ROBO2: variants seen among roughly 807,000 people sequenced by gnomAD.
ROBO2 encodes the protein roundabout guidance receptor 2.
In ROBO2, 53 loss-of-function variants were observed where a neutral mutation model predicts 160.8. That is an observed-to-expected ratio of 0.33 (90% confidence interval 0.26 to 0.41). ROBO2 has a LOEUF of 0.41. ROBO2 is among the 10% of genes least tolerant of loss of function. ROBO2 has a pLI of 1.00. For synonymous variants in ROBO2, 664 were observed against 611.7 expected, an observed-to-expected ratio of 1.09 and a Z score of -1.26; for missense variants, 1,577 against 1,722.4, an observed-to-expected ratio of 0.92 and a Z score of 1.49.
At chr3:77,459,878 T>C (rs1294940570) in intron 2 of ROBO2, among the ~76,000 whole-genome samples, 1 of 148,424 alleles carries the variant, frequency 6.7e-6, no homozygotes, top group Admixed American at 6.7e-5. Context: ...AGAGGTCATA[T>C]CTCTTGAACC....
At position 76,693,284 on chromosome 3, in the gene ROBO2, T is replaced by A. The variant is rs199597163; in HGVS notation, c.110-404730T>A. Reference sequence around the variant, plus strand: ...TACATGTCTCTCTCTCTATATATAGTGTGTATCTATATGTAGTGTGTGTAT... The same window carrying A: ...TACATGTCTCTCTCTCTATATATAGAGTGTATCTATATGTAGTGTGTGTAT... On this transcript the variant is annotated intron_variant, in intron 2 of 26. Coordinates refer to the ROBO2 transcript ENST00000487694. Among the ~76,000 whole-genome samples, 5 of 141,524 alleles carry A rather than the reference T, an allele frequency of 3.5e-5. 1 individual carries two copies. The highest frequency in any genetic ancestry group is 2.2e-4 in the Admixed American group (3 of 13,942). 92.8% of individuals were successfully genotyped at this position (141,524 alleles called of 152,430 possible).
chr3:76,918,139 C>T (rs1336078233), intron 2 of ROBO2, among the ~76,000 whole-genome samples: 1 of 152,152 alleles, frequency 6.6e-6, no homozygotes, highest in African/African-American at 2.4e-5. Flanking sequence ...TAGGGCTTGG[C>T]TGTATGTCTC....
chr3:76,008,940 A>T (rs922396175), intron 2 of ROBO2, among the ~76,000 whole-genome samples: 1 of 152,154 alleles, frequency 6.6e-6, no homozygotes, highest in African/African-American at 2.4e-5. Flanking sequence ...ATGAGGAAGT[A>T]TGATTGAACA....
At chr3:76,792,745 A>C (rs1367272102) in intron 2 of ROBO2, among the ~76,000 whole-genome samples, 1 of 151,840 alleles carries the variant, frequency 6.6e-6, no homozygotes, top group Non-Finnish European at 1.5e-5. Flanking sequence ...AACAACAAAA[A>C]AATCCTCTGG....
intron 2 of ROBO2, among the ~76,000 whole-genome samples, chr3:76,584,805 G>A (rs2085930446): frequency 6.6e-6 from 1 of 152,132 alleles, no homozygotes; most frequent in South Asian, 2.1e-4. Context: ...CTGTGTATAG[G>A]AACGACTTCT....
At chr3:76,978,789 A>T (rs2059935001) in intron 2 of ROBO2, among the ~76,000 whole-genome samples, 8 of 152,008 alleles carry the variant, frequency 5.3e-5, no homozygotes, top group Admixed American at 5.2e-4. Context: ...CCCTAAATGC[A>T]CATATATGAA....
chr3:76,069,896 T>C (rs1039137314), intron 2 of ROBO2, among the ~76,000 whole-genome samples: 3 of 152,180 alleles, frequency 2.0e-5, no homozygotes, highest in Admixed American at 6.5e-5. Context: ...TTAATACTTT[T>C]GTAATTTCTT....
intron 2 of ROBO2, among the ~76,000 whole-genome samples, chr3:76,832,608 G>A (rs773874444): frequency 1.3e-5 from 2 of 152,112 alleles, no homozygotes; most frequent in Non-Finnish European, 2.9e-5. Context: ...TGAGATGACC[G>A]CTGAAGGGTG....
At chr3:76,141,153 CTCTCTCTATATA>C (rs1198120525) in intron 2 of ROBO2, among the ~76,000 whole-genome samples, 89 of 34,658 alleles carry the variant, frequency 2.6e-3, no homozygotes, top group African/African-American at 5.5e-3. Context: ...CTCTCTCTCT[CTCTCTCTATATA>C]TATATATATA....
At chr3:76,858,173 T>C (rs1438456990) in intron 2 of ROBO2, among the ~76,000 whole-genome samples, 1 of 152,192 alleles carries the variant, frequency 6.6e-6, no homozygotes, top group Non-Finnish European at 1.5e-5. Flanking sequence ...GCTGTTCACC[T>C]GCCTCCCAGT....
At chr3:76,622,205 A>C (rs1370675393) in intron 2 of ROBO2, among the ~76,000 whole-genome samples, 5 of 32,602 alleles carry the variant, frequency 1.5e-4, no homozygotes, top group Admixed American at 1.1e-3. Flanking sequence ...GAAGGAAGGA[A>C]GGAAGGAAGG....
intron 2 of ROBO2, among the ~76,000 whole-genome samples, chr3:77,325,051 C>T (rs1301810568): frequency 6.6e-6 from 1 of 151,968 alleles, no homozygotes; most frequent in Non-Finnish European, 1.5e-5. Flanking sequence ...AGGGGGCAGA[C>T]ATAGGTAATT....
chr3:76,602,201 C>T (rs569869731), intron 2 of ROBO2, among the ~76,000 whole-genome samples: 6 of 152,324 alleles, frequency 3.9e-5, no homozygotes, highest in Admixed American at 6.5e-5. Context: ...AGCTTTCCCA[C>T]ATTTTTCTGT....
chr3:77,063,835 G>A (rs2066567306), intron 1 of ROBO2, among the ~76,000 whole-genome samples: 1 of 151,954 alleles, frequency 6.6e-6, no homozygotes, highest in East Asian at 1.9e-4. Context: ...ATCAATAGAG[G>A]GTGCAAATTA....
At chr3:76,425,807 C>T (rs974091072) in intron 2 of ROBO2, among the ~76,000 whole-genome samples, 1 of 151,400 alleles carries the variant, frequency 6.6e-6, no homozygotes, top group African/African-American at 2.4e-5. Context: ...TTGAAAGCTG[C>T]TAGAAGAGGA....
intron 2 of ROBO2, among the ~76,000 whole-genome samples, chr3:76,825,938 G>A (rs983027129): frequency 1.3e-5 from 2 of 151,128 alleles, no homozygotes; most frequent in Admixed American, 1.3e-4. Flanking sequence ...TGTGGTATCT[G>A]AGAAAAAGAA....
At chr3:77,212,554 A>C (rs927687109) in intron 2 of ROBO2, among the ~76,000 whole-genome samples, 27 of 152,094 alleles carry the variant, frequency 1.8e-4, no homozygotes, top group African/African-American at 6.3e-4. Context: ...TTTCCTAATC[A>C]AATCCCCTTT....
chr3:77,017,527 G>C (rs1372147677), intron 2 of ROBO2, among the ~76,000 whole-genome samples: 1 of 152,108 alleles, frequency 6.6e-6, no homozygotes, highest in Non-Finnish European at 1.5e-5. Flanking sequence ...CTTAAGTTGA[G>C]ATAATTTGAG....
intron 24 of ROBO2, among the ~76,000 whole-genome samples, chr3:77,644,056 T>G (rs964655340): frequency 3.9e-5 from 6 of 151,942 alleles, no homozygotes; most frequent in Non-Finnish European, 7.4e-5. Flanking sequence ...GAAAAAACAA[T>G]TTTTGAACTA....
Sources: allele counts gnomAD v4.1 joint callset (sites outside exome capture counted in the v4.1 genomes callset), GRCh38; gene constraint gnomAD v4.1.1; transcripts MANE v1.5; gene names NCBI Gene and HGNC (gene_info 2026-07-23, HGNC 2026-07-21).